The following MYH10 variants were observed in gnomAD, a reference collection of about 807,000 sequenced individuals.
The protein encoded by MYH10 is myosin-10.
In MYH10, 55 loss-of-function variants were observed where a neutral mutation model predicts 257.8. The observed-to-expected ratio is 0.21, with a 90% CI of 0.17 to 0.27. The LOEUF is 0.27. Ranked by LOEUF, MYH10 falls within the 10% of genes least tolerant of loss-of-function variation. The pLI is 1.00. For synonymous variants in MYH10, 854 were observed against 921.7 expected (o/e 0.93, Z 1.33); for missense variants, 1,631 against 2,500.6 (o/e 0.65, Z 7.42).
chr17:8,538,307 G>A (rs1830224518), intron 14 of MYH10, among the ~76,000 whole-genome samples: 4 of 152,196 alleles, frequency 2.6e-5, no homozygotes, highest in Non-Finnish European at 4.4e-5. Context: ...CCGGCTTCAA[G>A]CGATCCTCCT....
At chr17:8,589,321 A>G (rs2084032589) in intron 3 of MYH10, among the ~76,000 whole-genome samples, 1 of 152,168 alleles carries the variant, frequency 6.6e-6, no homozygotes, top group African/African-American at 2.4e-5. Context: ...CTGGGGGTAA[A>G]TAACAGTAAC....
chr17:8,514,254 G>A (rs1199616028), intron 21 of MYH10, among the ~76,000 whole-genome samples: 1 of 152,214 alleles, frequency 6.6e-6, no homozygotes, highest in Non-Finnish European at 1.5e-5. Context: ...CGTTTTCTCT[G>A]TGCTGCTCTC....
chr17:8,630,138 C>A (rs1598023533), intron 1 of MYH10, among the ~76,000 whole-genome samples: 1 of 151,720 alleles, frequency 6.6e-6, no homozygotes, highest in Non-Finnish European at 1.5e-5. Flanking sequence ...CCCCACCCTA[C>A]CGCCGGGACT....
In MYH10 at chr17:8,589,122, C is replaced by T. The variant is rs776558025; in HGVS notation, c.503-14G>A. 5.0e-6 allele frequency: 8 copies of T among 1,608,744 alleles called. No individual in the cohort carries two copies. In the Admixed American group the frequency reaches 5.1e-5, roughly 10 times the overall value. Reference sequence around the variant, plus strand: ...GGTCCTCACGATCTATAAAACAGAACAAAACAAACAAAAAAAAGAAAGTGA... The same window carrying T: ...GGTCCTCACGATCTATAAAACAGAATAAAACAAACAAAAAAAAGAAAGTGA... On this transcript the variant is annotated splice_polypyrimidine_tract_variant and intron_variant, in intron 3 of 42. Coordinates refer to ENST00000360416, the MANE Select transcript of MYH10 (RefSeq NM_001256012.3).
rs760896873 is a variant in MYH10 at position 8,490,292 on chromosome 17, T to A, written c.4884+48A>T. 1.8e-5 allele frequency: 28 copies of A among 1,570,904 alleles called. No homozygotes were observed. The highest frequency in any genetic ancestry group is 7.9e-6 in the Non-Finnish European group (9 of 1,145,890). ...ACAGGATACTGACCCAGAGCTGGGC[T>A]TTGAGAGCCTGCACCCCTTGTTGTG... On this transcript the variant is annotated intron_variant, in intron 35 of 42. Transcript: ENST00000360416. The surrounding 1 kb of genome is among the most constrained non-coding windows in gnomAD (Gnocchi z 4.1).
At chr17:8,530,163 A>C (rs72845172) in intron 17 of MYH10, among the ~76,000 whole-genome samples, 2,382 of 152,342 alleles carry the variant, frequency 0.016, 29 homozygotes, top group Non-Finnish European at 0.025. Flanking sequence ...ATTTGTCTAC[A>C]AAATGTGTCT....
At chr17:8,486,543 CAAAAAAAAAAAAAAAAAAAAAA>C (rs67844660) in intron 36 of MYH10, among the ~76,000 whole-genome samples, 1 of 120,766 alleles carries the variant, frequency 8.3e-6, no homozygotes, top group African/African-American at 3.4e-5. Flanking sequence ...TATTTAGCTT[CAAAAAAAAAAAAAAAAAAAAAA>C]AAAAAAAAAA....
chr17:8,509,124 T>C (rs561882680), intron 25 of MYH10, among the ~76,000 whole-genome samples: 2 of 152,314 alleles, frequency 1.3e-5, no homozygotes, highest in African/African-American at 4.8e-5. Flanking sequence ...TTTTAAATCT[T>C]TTCTATCATT....
chr17:8,508,056 T>C (rs916267774), intron 26 of MYH10, among the ~76,000 whole-genome samples: 1 of 152,184 alleles, frequency 6.6e-6, no homozygotes, highest in Non-Finnish European at 1.5e-5. Context: ...CTTTTTATTA[T>C]GTTTTAAATA....
At chr17:8,581,300 C>T (rs776476346) in intron 4 of MYH10, among the ~76,000 whole-genome samples, 23 of 152,056 alleles carry the variant, frequency 1.5e-4, no homozygotes, top group Non-Finnish European at 2.8e-4. Flanking sequence ...CCATATTAAT[C>T]GTGATGTTGG....
At chr17:8,608,045 G>C (rs2084879216) in intron 2 of MYH10, among the ~76,000 whole-genome samples, 1 of 152,150 alleles carries the variant, frequency 6.6e-6, no homozygotes, top group Admixed American at 6.5e-5. Flanking sequence ...CTCTTACAGT[G>C]GCAGGATATA....
intron 4 of MYH10, among the ~76,000 whole-genome samples, chr17:8,583,973 G>T (rs1377957274): frequency 6.6e-6 from 1 of 152,092 alleles, no homozygotes; most frequent in Non-Finnish European, 1.5e-5. Flanking sequence ...CCTCATCAAG[G>T]GTGACTGCTT....
intron 4 of MYH10, among the ~76,000 whole-genome samples, chr17:8,580,996 A>G (rs909795515): frequency 1.3e-5 from 2 of 152,176 alleles, no homozygotes; most frequent in Non-Finnish European, 2.9e-5. Flanking sequence ...AAGAACTGGC[A>G]AGTGAAGAGC....
Position 8,504,567 on chromosome 17 carries a change from G to C in MYH10, c.3599+127C>G. The C allele has an allele frequency of 1.3e-6, 1 of 777,082 alleles. No individual in the cohort carries two copies. Among genetic ancestry groups the C allele is most frequent in the East Asian group, 2.6e-5 (1 of 38,334 alleles). The allele number at this position is 777,082 out of a possible 1,614,324, so 48.1% of individuals were successfully genotyped here. On this transcript the variant is annotated intron_variant, in intron 28 of 42. Transcript: ENST00000360416. The surrounding 1 kb of genome is among the most constrained non-coding windows in gnomAD (Gnocchi z 5.6). ...TTCTAACCATTACCATTTAATCACC[G>C]TTCCACCTGCCATCACAAGGAAAAG...
rs764509164 is a variant in MYH10 at position 8,604,818 on chromosome 17, C to T, written c.502+8G>A. The T allele has an allele frequency of 2.7e-6, 4 of 1,474,080 alleles. No individual in the cohort carries two copies. In the South Asian group the frequency reaches 4.7e-5, roughly 17 times the overall value. The allele number at this position is 1,474,080 out of a possible 1,614,324, so 91.3% of individuals were successfully genotyped here. ...CTGAGCATTTAGTATTCAAATATTT[C>T]CAATTACCTTGAAGCATGCATCTGT... On this transcript the variant is annotated splice_region_variant and intron_variant, in intron 3 of 42. Coordinates refer to ENST00000360416, the MANE Select transcript of MYH10 (RefSeq NM_001256012.3).
At position 8,499,474 on chromosome 17, in the gene MYH10, G is replaced by C; in HGVS notation, c.3747C>G (p.Phe1249Leu). Residue 1249 changes from phenylalanine to leucine, a missense_variant and splice_region_variant, in exon 30 of 43, where the codon TTC (phenylalanine) becomes TTG (leucine). Phe to Leu is a conservative substitution (Grantham distance 22). This residue lies in a region of MYH10 where 463 missense variants were observed against 621.8 expected (regional missense o/e 0.74). Coordinates refer to ENST00000360416, the MANE Select transcript of MYH10 (RefSeq NM_001256012.3). ...LSEQLEQAKR[F>L]KANLEKNKQG... ...GCTTGTTCTTCTCTAGATTTGCTTT[G>C]AACTAGGAGACGGAAGGGAAAACAT... 1 of 1,614,018 alleles carries C rather than the reference G, an allele frequency of 6.2e-7. No individual in the cohort carries two copies. The highest frequency in any genetic ancestry group is 8.5e-7 in the Non-Finnish European group (1 of 1,179,948).
intron 17 of MYH10, among the ~76,000 whole-genome samples, chr17:8,522,320 G>C (rs2081682389): frequency 6.6e-6 from 1 of 152,178 alleles, no homozygotes; most frequent in Non-Finnish European, 1.5e-5. Flanking sequence ...TTTCCAATGA[G>C]GTTTTTAACA....
chr17:8,570,611 A>G (rs1287510557), intron 6 of MYH10, among the ~76,000 whole-genome samples: 1 of 152,220 alleles, frequency 6.6e-6, no homozygotes, highest in Non-Finnish European at 1.5e-5. Flanking sequence ...TATGACTTAA[A>G]TAAACCTGCT....
intron 16 of MYH10, among the ~76,000 whole-genome samples, chr17:8,534,451 G>A (rs2082087315): frequency 6.6e-6 from 1 of 152,126 alleles, no homozygotes; most frequent in Admixed American, 6.5e-5. Flanking sequence ...ATCTTTTATA[G>A]GGTCACATTC....
Sources: allele counts gnomAD v4.1 joint callset (sites outside exome capture counted in the v4.1 genomes callset), GRCh38; gene constraint gnomAD v4.1.1; regional missense constraint gnomAD v4.1.1; non-coding constraint Gnocchi (gnomAD v3.1); transcripts MANE v1.5; gene names NCBI Gene and HGNC (gene_info 2026-07-23, HGNC 2026-07-21).